TBC1D31: variants seen among roughly 807,000 people sequenced by gnomAD.
TBC1D31 encodes TBC1 domain family member 31.
Under a neutral mutation model 132.9 loss-of-function variants are expected in TBC1D31, and 99 were observed. The ratio of observed to expected loss-of-function variants is 0.74; its 90% CI spans 0.63 to 0.88. TBC1D31 has a LOEUF of 0.88. Among genes scored for constraint, TBC1D31 ranks in the 40% least tolerant of loss-of-function variants. TBC1D31 has a pLI of 0.00. For missense variants in TBC1D31, 1,134 were observed against 1,256.6 expected (o/e 0.90, Z 1.48); for synonymous variants, 385 against 419.4 (o/e 0.92, Z 1.00).
chr8:123,147,684 AG>A (rs1477790896), intron 20 of TBC1D31, among the ~76,000 whole-genome samples: 3 of 152,254 alleles, frequency 2.0e-5, no homozygotes, highest in Admixed American at 2.0e-4. Context: ...TTTCACCAAT[AG>A]AGATAATTTG....
chr8:123,076,578 G>T (rs1314167990), intron 1 of TBC1D31, among the ~76,000 whole-genome samples: 1 of 152,136 alleles, frequency 6.6e-6, no homozygotes, highest in African/African-American at 2.4e-5. Flanking sequence ...TAGGCCAGGT[G>T]CTGGGGTACA....
At chr8:123,154,788 T>C (rs996287445), downstream of TBC1D31, among the ~76,000 whole-genome samples, 4 of 152,130 alleles carry the variant, frequency 2.6e-5, no homozygotes, top group Non-Finnish European at 5.9e-5. Flanking sequence ...ACTAGGCACA[T>C]GGTTGGGGCA....
Position 123,082,779 on chromosome 8 carries a change from T to C in TBC1D31, c.302T>C (p.Val101Ala), listed in dbSNP as rs527519230. 3 of 1,613,182 alleles carry C rather than the reference T, an allele frequency of 1.9e-6. No homozygotes were observed. Among genetic ancestry groups the C allele is most frequent in the East Asian group, 2.2e-5 (1 of 44,874 alleles). The change falls in exon 3 of 22, where the codon GTG (valine) becomes GCG (alanine). Residue 101 changes from valine (V) to alanine (A), a missense_variant. Physicochemically the swap from Val to Ala is moderately conservative, Grantham distance 64. Transcript: ENST00000287380. ...FNLRRKSEFL[V>A]ALADYSIKCF... ...CTTCGTAGGAAATCTGAATTCCTTG[T>C]GGCATTAGCTGATTATTCTATTAAA...
At chr8:123,120,296 A>T in intron 11 of TBC1D31, 108 bp downstream of exon 11, 2 of 840,512 alleles carry the variant, frequency 2.4e-6, no homozygotes, top group Non-Finnish European at 3.5e-6. Flanking sequence ...CTCTACTTTT[A>T]AGTCACGAAA....
At chr8:123,093,547 A>G (rs1374065510) in intron 4 of TBC1D31, 44 bp from the exon 5 acceptor site, 11 of 1,427,528 alleles carry the variant, frequency 7.7e-6, no homozygotes, top group African/African-American at 1.4e-5. Context: ...TAAAGTCTCT[A>G]TGTGAACCTT....
At position 123,105,292 on chromosome 8, in the gene TBC1D31, C is replaced by T. The variant is rs1249834572; in HGVS notation, c.1037C>T (p.Pro346Leu). ...QALTQEINKP[P>L]PPLVKVIEDL... ...TATATTTATTTTTCCATTTAGCCAC[C>T]TCCGCCTTTAGTGAAAGTTATTGAA... The change falls in exon 8 of 22, where the codon CCT becomes CTT. Residue 346 changes from proline (P) to leucine (L), a missense_variant. By Grantham distance (98) the Pro-to-Leu change is moderately conservative. Coordinates refer to ENST00000287380, the MANE Select transcript of TBC1D31 (RefSeq NM_145647.4). 5 of 1,546,646 alleles carry T rather than the reference C, an allele frequency of 3.2e-6. No individual in the cohort carries two copies. In the African/African-American group the frequency reaches 6.9e-5, roughly 21 times the overall value.
At chr8:123,119,237 A>C (rs1416288432) in intron 10 of TBC1D31, among the ~76,000 whole-genome samples, 4 of 152,206 alleles carry the variant, frequency 2.6e-5, no homozygotes, top group Non-Finnish European at 4.4e-5. Flanking sequence ...CTAATTTGGC[A>C]CTGACTTTCG....
At chr8:123,151,323 C>G (rs1424940340) in intron 21 of TBC1D31, among the ~76,000 whole-genome samples, 1 of 152,186 alleles carries the variant, frequency 6.6e-6, no homozygotes, top group African/African-American at 2.4e-5. Flanking sequence ...AACGCTCTTA[C>G]ACTTGGACAT....
At chr8:123,139,363 C>A (rs1355125758) in intron 17 of TBC1D31, among the ~76,000 whole-genome samples, 2 of 152,126 alleles carry the variant, frequency 1.3e-5, no homozygotes, top group African/African-American at 2.4e-5. Context: ...CCCAGGGTTT[C>A]TTCTTGTTTC....
chr8:123,079,489 C>G (rs1814910073), intron 2 of TBC1D31, among the ~76,000 whole-genome samples: 1 of 152,134 alleles, frequency 6.6e-6, no homozygotes, highest in African/African-American at 2.4e-5. Flanking sequence ...AACTTTTCTA[C>G]CCTTTATTCT....
At chr8:123,142,757 T>C (rs931367751) in intron 19 of TBC1D31, among the ~76,000 whole-genome samples, 1 of 152,230 alleles carries the variant, frequency 6.6e-6, no homozygotes. Context: ...TAATATTGAT[T>C]CTACCTAAAA....
intron 4 of TBC1D31, among the ~76,000 whole-genome samples, chr8:123,090,871 G>T (rs1816249530): frequency 6.6e-6 from 1 of 152,058 alleles, no homozygotes; most frequent in Admixed American, 6.6e-5. Flanking sequence ...AGGATTGCTT[G>T]GGAGGTTGTA....
intron 17 of TBC1D31, among the ~76,000 whole-genome samples, chr8:123,140,349 G>T (rs1455166955): frequency 1.3e-5 from 2 of 152,172 alleles, no homozygotes; most frequent in African/African-American, 2.4e-5. Flanking sequence ...GTGACACAGT[G>T]AGACTCTGTC....
chr8:123,142,526 C>A (rs2130915479), intron 19 of TBC1D31, 70 bp downstream of exon 19: 1 of 1,261,078 alleles, frequency 7.9e-7, no homozygotes, highest in Non-Finnish European at 1.1e-6. Context: ...AAGACAGAGT[C>A]TCACTTTGTT....
chr8:123,104,945 C>T (rs752196418), intron 7 of TBC1D31, among the ~76,000 whole-genome samples: 46 of 152,142 alleles, frequency 3.0e-4, no homozygotes, highest in Non-Finnish European at 5.9e-5. Flanking sequence ...TCTAACTGTA[C>T]CTTTTTTGCT....
At chr8:123,087,271 T>C (rs1259348382) in intron 4 of TBC1D31, among the ~76,000 whole-genome samples, 1 of 152,220 alleles carries the variant, frequency 6.6e-6, no homozygotes, top group East Asian at 1.9e-4. Flanking sequence ...TTTCATTAGC[T>C]AAATATTATT....
At chr8:123,126,222 C>T (rs1820017350) in intron 12 of TBC1D31, 33 bp downstream of exon 12, 4 of 1,583,364 alleles carry the variant, frequency 2.5e-6, no homozygotes, top group African/African-American at 1.4e-5. Flanking sequence ...AATAACATGC[C>T]TTATTTTGTA....
At position 123,079,212 on chromosome 8, in the gene TBC1D31, C is replaced by T. The variant is rs970229841; in HGVS notation, c.224+1955C>T. On this transcript the variant is annotated intron_variant, in intron 2 of 21. Transcript: ENST00000287380. Reference sequence around the variant, plus strand: ...GACAAAGGCATGAATCTGGACTGATCCTTTTGCTATAAAGAACTTATTAGG... The same window carrying T: ...GACAAAGGCATGAATCTGGACTGATTCTTTTGCTATAAAGAACTTATTAGG... 2.6e-5 allele frequency among the ~76,000 whole-genome samples: 4 copies of T among 152,126 alleles called. No individual in the cohort carries two copies. The East Asian group carries it at 5.8e-4, about 22-fold the overall frequency.
chr8:123,130,438 T>C, intron 16 of TBC1D31, 105 bp downstream of exon 16: 1 of 1,038,194 alleles, frequency 9.6e-7, no homozygotes, highest in Non-Finnish European at 1.3e-6. Flanking sequence ...CCACCATGAA[T>C]ACTAAATAGC....
Sources: allele counts gnomAD v4.1 joint callset (sites outside exome capture counted in the v4.1 genomes callset), GRCh38; gene constraint gnomAD v4.1.1; transcripts MANE v1.5; gene names NCBI Gene and HGNC (gene_info 2026-07-23, HGNC 2026-07-21).